Variants in KIAA1217 observed in about 807,000 individuals in gnomAD.
KIAA1217 encodes the protein sickle tail protein homolog.
A neutral mutation model predicts 163.9 loss-of-function variants in KIAA1217; 88 were observed. The ratio of observed to expected loss-of-function variants is 0.54; its 90% CI spans 0.45 to 0.64. The LOEUF (loss-of-function observed/expected upper bound fraction) is 0.64, where lower values mean the gene tolerates loss of function less well. Among genes scored for constraint, KIAA1217 ranks in the 30% least tolerant of loss-of-function variants. The probability of loss-of-function intolerance (pLI) is 0.00; values close to 1 mark genes in which losing one functional copy is unlikely to be tolerated. For missense variants in KIAA1217, 2,372 were observed against 2,475.0 expected, an observed-to-expected ratio of 0.96 and a Z score of 0.88; for synonymous variants, 903 against 923.1, an observed-to-expected ratio of 0.98 and a Z score of 0.39.
intron 2 of KIAA1217, among the ~76,000 whole-genome samples, chr10:24,342,652 A>ATT (rs11299912): frequency 4.0e-4 from 37 of 93,486 alleles, no homozygotes; most frequent in Non-Finnish European, 5.9e-4. Flanking sequence ...ATACAACTCA[A>ATT]TTTTTTTTTT....
At chr10:24,241,433 T>G (rs1003685982) in intron 2 of KIAA1217, among the ~76,000 whole-genome samples, 1 of 152,172 alleles carries the variant, frequency 6.6e-6, no homozygotes, top group African/African-American at 2.4e-5. Flanking sequence ...GAAGTGATAT[T>G]AATTTACTTT....
intron 1 of KIAA1217, among the ~76,000 whole-genome samples, chr10:23,957,127 A>T (rs1844601306): frequency 6.6e-6 from 1 of 151,578 alleles, no homozygotes; most frequent in African/African-American, 2.4e-5. Context: ...TCCATTGAGA[A>T]CTCTTCAGTG....
rs1554849376 is a variant in KIAA1217, at chr10:24,402,530, A to AAC, written c.553+21464_553+21465insCA. Among the ~76,000 whole-genome samples the AAC allele has an allele frequency of 6.3e-4, 55 of 86,620 alleles. 1 individual carries two copies. The highest frequency in any genetic ancestry group is 1.5e-3 in the African/African-American group (48 of 31,370). 56.8% of individuals were successfully genotyped at this position (86,620 alleles called of 152,430 possible). On this transcript the variant is annotated intron_variant, in intron 3 of 20. Transcript: ENST00000376454. The stretch of plus-strand genomic sequence containing the variant: ...TCTCAAAAAAACAAAAAACAAAACA[A>AAC]AAAAAAAAAAAAGGCAAAGGAGTTT...
At chr10:24,019,527 G>A (rs1847642224) in intron 2 of KIAA1217, among the ~76,000 whole-genome samples, 1 of 151,936 alleles carries the variant, frequency 6.6e-6, no homozygotes, top group Non-Finnish European at 1.5e-5. Context: ...ATTTCAGATT[G>A]AAGATTTGGG....
At chr10:24,396,265 A>G (rs980115222) in intron 3 of KIAA1217, among the ~76,000 whole-genome samples, 10 of 152,106 alleles carry the variant, frequency 6.6e-5, no homozygotes, top group Admixed American at 3.3e-4. Flanking sequence ...TGAGCCCGGG[A>G]AGCGGAGGTT....
intron 2 of KIAA1217, among the ~76,000 whole-genome samples, chr10:24,127,438 G>C (rs997581421): frequency 1.3e-5 from 2 of 152,136 alleles, no homozygotes; most frequent in African/African-American, 2.4e-5. Context: ...GACTAGAAGA[G>C]ACTTTTTAAA....
chr10:23,863,352 T>C (rs888964066), intron 1 of KIAA1217, among the ~76,000 whole-genome samples: 1 of 152,198 alleles, frequency 6.6e-6, no homozygotes, highest in Admixed American at 6.5e-5. Context: ...AATTCAGTGT[T>C]TCCATTGTGA....
At chr10:23,745,099 A>T (rs906423220) in intron 1 of KIAA1217, among the ~76,000 whole-genome samples, 3 of 152,220 alleles carry the variant, frequency 2.0e-5, no homozygotes, top group Non-Finnish European at 4.4e-5. Flanking sequence ...GTTAACCATC[A>T]CAGCCTCCAA....
chr10:24,391,450 T>C (rs2054971149), intron 3 of KIAA1217, among the ~76,000 whole-genome samples: 2 of 149,750 alleles, frequency 1.3e-5, no homozygotes, highest in Admixed American at 1.4e-4. Context: ...GGTTCAGCAA[T>C]TCTTGTGCTT....
intron 2 of KIAA1217, among the ~76,000 whole-genome samples, chr10:24,199,352 A>G (rs1416639120): frequency 6.6e-6 from 1 of 152,244 alleles, no homozygotes; most frequent in Non-Finnish European, 1.5e-5. Context: ...AATAATATAG[A>G]TGAGAGGAAG....
intron 3 of KIAA1217, among the ~76,000 whole-genome samples, chr10:24,404,447 A>G (rs532461166): frequency 2.6e-5 from 4 of 151,728 alleles, no homozygotes; most frequent in Non-Finnish European, 5.9e-5. Context: ...TGTGCCTATA[A>G]TCCCAGCTAC....
chr10:23,885,410 A>C (rs1290191200), intron 1 of KIAA1217, among the ~76,000 whole-genome samples: 1 of 151,918 alleles, frequency 6.6e-6, no homozygotes, highest in Non-Finnish European at 1.5e-5. Flanking sequence ...TTTGACCAAC[A>C]TGTCCCCATT....
chr10:23,986,933 G>A (rs1017446778), intron 1 of KIAA1217, among the ~76,000 whole-genome samples: 1 of 152,098 alleles, frequency 6.6e-6, no homozygotes, highest in African/African-American at 2.4e-5. Flanking sequence ...GTAGTCTTGG[G>A]ACCCTGAGTG....
In KIAA1217 at chr10:24,542,910, G is replaced by C; in HGVS notation, c.3640G>C (p.Asp1214His). The C allele has an allele frequency of 6.2e-7, 1 of 1,612,090 alleles. No individual in the cohort carries two copies. Among genetic ancestry groups the C allele is most frequent in the South Asian group, 1.1e-5 (1 of 90,762 alleles). ...TACCACAGGGGCTGTAAGACCTAGT[G>C]ACCCTCCTAAGTGGGAAAGAGGAAT... ...KVTTGAVRPS[D>H]PPKWERGMEN... The change falls in exon 19 of 21, where the codon GAC becomes CAC. Residue 1214 changes from aspartate to histidine, a missense_variant. Asp to His is a moderately conservative substitution (Grantham distance 81, BLOSUM62 -1). Transcript: ENST00000376454.
chr10:23,800,133 A>G (rs934607331), intron 1 of KIAA1217, among the ~76,000 whole-genome samples: 1 of 152,196 alleles, frequency 6.6e-6, no homozygotes, highest in African/African-American at 2.4e-5. Flanking sequence ...TGGAAGATCA[A>G]AATTCATTTA....
At chr10:24,176,356 C>T (rs574143145) in intron 2 of KIAA1217, among the ~76,000 whole-genome samples, 3 of 151,960 alleles carry the variant, frequency 2.0e-5, no homozygotes, top group Admixed American at 6.6e-5. Context: ...CTCCAAGTCC[C>T]CACTAGATTA....
chr10:24,019,678 A>G (rs1409057229), intron 2 of KIAA1217, among the ~76,000 whole-genome samples: 3 of 151,998 alleles, frequency 2.0e-5, no homozygotes, highest in Admixed American at 6.6e-5. Flanking sequence ...GAGCCCGGCT[A>G]CATTCTAAGA....
intron 5 of KIAA1217, among the ~76,000 whole-genome samples, chr10:24,463,755 T>C (rs1182241051): frequency 6.6e-6 from 1 of 152,238 alleles, no homozygotes; most frequent in Non-Finnish European, 1.5e-5. Context: ...CCTGTTGAGG[T>C]AATCCTGAAT....
rs191939702 is a variant in KIAA1217 at position 24,394,441 on chromosome 10, C to T, written c.553+13374C>T. 2.6e-3 allele frequency among the ~76,000 whole-genome samples: 380 copies of T among 144,802 alleles called. 1 individual carries two copies. The highest frequency in any genetic ancestry group is 3.7e-3 in the Non-Finnish European group (249 of 67,268). The allele number at this position is 144,802 out of a possible 152,430, so 95.0% of individuals were successfully genotyped here. On this transcript the variant is annotated intron_variant, in intron 3 of 20. Coordinates refer to ENST00000376454, the MANE Select transcript of KIAA1217 (RefSeq NM_019590.5). ...TTCTGCCCCAAGTTTTGCCCACTCT[C>T]GGGTTTTGTTTTGTTTTTTTTTAAT... is the stretch of plus-strand genomic sequence containing the variant.
Sources: gnomAD v4.1 joint callset for allele counts (sites outside exome capture counted in the v4.1 genomes callset) on GRCh38, gnomAD v4.1.1 for gene constraint, MANE v1.5 for transcripts, NCBI Gene and HGNC (gene_info 2026-07-23, HGNC 2026-07-21) for gene names.